The following WWOX variants were observed in gnomAD, a reference collection of about 807,000 sequenced individuals.
The protein encoded by WWOX is WW domain-containing oxidoreductase.
WWOX carries 69 observed loss-of-function variants against 46.2 expected under a neutral mutation model. That is an observed-to-expected ratio of 1.49 (90% CI 1.23 to 1.82). The LOEUF is 1.82. Among genes scored for constraint, WWOX ranks in the 40% most tolerant of loss-of-function variants. The pLI is 0.00. For synonymous variants in WWOX, 359 were observed against 202.6 expected (o/e 1.77, Z -6.56); for missense variants, 919 against 542.6 (o/e 1.69, Z -6.89).
At chr16:78,104,310 C>G (rs920028638) in intron 1 of WWOX, among the ~76,000 whole-genome samples, 5 of 150,428 alleles carry the variant, frequency 3.3e-5, no homozygotes, top group Admixed American at 6.6e-5. Flanking sequence ...TCCCTGCTAA[C>G]TTACACTGTG....
chr16:79,049,505 C>T (rs1174107803), intron 8 of WWOX, among the ~76,000 whole-genome samples: 1 of 152,112 alleles, frequency 6.6e-6, no homozygotes, highest in Non-Finnish European at 1.5e-5. Flanking sequence ...TCAGGAAGGC[C>T]AAGCCCAGAT....
chr16:78,633,395 C>G (rs913371522), intron 8 of WWOX, among the ~76,000 whole-genome samples: 2 of 152,148 alleles, frequency 1.3e-5, no homozygotes, highest in Non-Finnish European at 2.9e-5. Context: ...TTTTCATTCA[C>G]CCCTCCCTCT....
chr16:78,413,855 C>T lies in WWOX; in HGVS notation c.606-11015C>T, dbSNP rs2082736597. Among the ~76,000 whole-genome samples the T allele has an allele frequency of 2.0e-5, 3 of 151,922 alleles. No individual in the cohort carries two copies. The South Asian group carries it at 6.2e-4, about 32-fold the overall frequency. ...TGCAAAAATCTGGCTGGTGCAATGG[C>T]TTACCCCTGTAATCCCAGTACTTTG... On this transcript the variant is annotated intron_variant, in intron 6 of 8. Transcript: ENST00000566780.
intron 8 of WWOX, among the ~76,000 whole-genome samples, chr16:78,811,685 T>C (rs769936213): frequency 5.9e-5 from 9 of 152,020 alleles, no homozygotes; most frequent in Non-Finnish European, 1.0e-4. Context: ...TGTCCTCTTC[T>C]TATAAGGCTA....
At chr16:79,012,351 G>C (rs60199073) in intron 8 of WWOX, among the ~76,000 whole-genome samples, 3,264 of 152,110 alleles carry the variant, frequency 0.021, 75 homozygotes, top group Admixed American at 0.06. Context: ...TCCTACCTCA[G>C]CCTCCCGAGT....
At chr16:78,874,572 G>C (rs1366990148) in intron 8 of WWOX, among the ~76,000 whole-genome samples, 1 of 151,952 alleles carries the variant, frequency 6.6e-6, no homozygotes, top group Non-Finnish European at 1.5e-5. Flanking sequence ...AAGATGTCTG[G>C]ATGGTCTCCA....
rs528985412 is a variant in WWOX, at chr16:79,002,788, C to G, written c.1057-208820C>G. Reference sequence around the variant, plus strand: ...ATAAGGGGAAAAGACAGGGTTCACACCAAGGCCTGTCTGGATCCAAAACCC... The same window carrying G: ...ATAAGGGGAAAAGACAGGGTTCACAGCAAGGCCTGTCTGGATCCAAAACCC... On this transcript the variant is annotated intron_variant, in intron 8 of 8. Coordinates refer to ENST00000566780, the MANE Select transcript of WWOX (RefSeq NM_016373.4). Among the ~76,000 whole-genome samples, 6 of 152,258 alleles carry G rather than the reference C, an allele frequency of 3.9e-5. 1 individual carries two copies. In the South Asian group the frequency reaches 1.0e-3, roughly 26 times the overall value.
At chr16:79,204,286 G>C (rs937070300) in intron 8 of WWOX, 1 of 152,072 alleles carries the variant, frequency 6.6e-6, no homozygotes, top group African/African-American at 2.4e-5. Flanking sequence ...GTTCTAATGA[G>C]ACAGCCTCTC....
chr16:78,334,850 ACACACAAAATCACC>A (rs2080847906), intron 5 of WWOX, among the ~76,000 whole-genome samples: 1 of 146,050 alleles, frequency 6.8e-6, no homozygotes, highest in Non-Finnish European at 1.5e-5. Flanking sequence ...ACACACACAC[ACACACAAAATCACC>A]AAATCACACC....
intron 5 of WWOX, among the ~76,000 whole-genome samples, chr16:78,177,192 G>C (rs2035378638): frequency 6.6e-6 from 1 of 152,178 alleles, no homozygotes; most frequent in Admixed American, 6.5e-5. Flanking sequence ...CTTTGCTTAT[G>C]AAAATCAAAT....
chr16:78,478,577 A>AC (rs57253655), intron 8 of WWOX, among the ~76,000 whole-genome samples: 1 of 151,676 alleles, frequency 6.6e-6, no homozygotes, highest in South Asian at 2.1e-4. Context: ...TTGCTGTTGC[A>AC]CCCCCCACCC....
chr16:78,361,483 A>T (rs62033455), intron 5 of WWOX, among the ~76,000 whole-genome samples: 1 of 152,124 alleles, frequency 6.6e-6, no homozygotes, highest in South Asian at 2.1e-4. Context: ...CTATTGTTGG[A>T]TCTTGCCTGC....
At chr16:79,157,837 C>G (rs767386151) in intron 8 of WWOX, among the ~76,000 whole-genome samples, 2 of 152,092 alleles carry the variant, frequency 1.3e-5, no homozygotes, top group Admixed American at 1.3e-4. Flanking sequence ...GAGGACTGAA[C>G]GAGGCAGGGT....
intron 8 of WWOX, among the ~76,000 whole-genome samples, chr16:79,088,154 C>G (rs562379185): frequency 6.6e-5 from 10 of 152,282 alleles, no homozygotes; most frequent in African/African-American, 1.9e-4. Context: ...TCTCATCTCC[C>G]CAGGCCATGC....
intron 4 of WWOX, among the ~76,000 whole-genome samples, chr16:78,134,354 T>G (rs12918746): frequency 0.65 from 98,591 of 151,780 alleles, 32,433 homozygotes; most frequent in East Asian, 0.76. Context: ...TTTTTTTTTT[T>G]GGGTGCAGTG....
chr16:78,403,935 A>C (rs1040578390), intron 6 of WWOX, among the ~76,000 whole-genome samples: 2 of 152,206 alleles, frequency 1.3e-5, no homozygotes, highest in Non-Finnish European at 2.9e-5. Context: ...ACCACAGAGC[A>C]GGGTTTTCCA....
chr16:78,647,531 C>G (rs989918731), intron 8 of WWOX, among the ~76,000 whole-genome samples: 1 of 152,204 alleles, frequency 6.6e-6, no homozygotes, highest in African/African-American at 2.4e-5. Context: ...CTGAGGTATG[C>G]TAAGCCTAAT....
intron 8 of WWOX, among the ~76,000 whole-genome samples, chr16:78,460,815 T>C (rs1025782005): frequency 3.9e-5 from 6 of 152,260 alleles, no homozygotes; most frequent in African/African-American, 1.4e-4. Flanking sequence ...GAATACTCTA[T>C]TTCAGTTGAG....
At chr16:78,495,620 T>G (rs1176868616) in intron 8 of WWOX, among the ~76,000 whole-genome samples, 1 of 151,852 alleles carries the variant, frequency 6.6e-6, no homozygotes, top group Non-Finnish European at 1.5e-5. Flanking sequence ...GTGACTCTCT[T>G]GCCTCAACCT....
Sources: allele counts gnomAD v4.1 joint callset (sites outside exome capture counted in the v4.1 genomes callset), GRCh38; gene constraint gnomAD v4.1.1; transcripts MANE v1.5; gene names NCBI Gene and HGNC (gene_info 2026-07-23, HGNC 2026-07-21).